XKR6: variants seen among roughly 807,000 people sequenced by gnomAD.
XKR6 encodes XK-related protein 6.
A neutral mutation model predicts 56.7 loss-of-function variants in XKR6; 22 were observed. The ratio of observed to expected loss-of-function variants is 0.39; its 90% CI spans 0.28 to 0.55. The LOEUF (loss-of-function observed/expected upper bound fraction) is 0.55. XKR6 is among the 20% of genes least tolerant of loss of function. The pLI is 0.66. For missense variants in XKR6, 852 were observed against 889.0 expected (o/e 0.96, Z 0.53); for synonymous variants, 524 against 387.8 (o/e 1.35, Z -4.13).
At chr8:10,964,187 C>T (rs572175996) in intron 1 of XKR6, among the ~76,000 whole-genome samples, 1 of 152,274 alleles carries the variant, frequency 6.6e-6, no homozygotes, top group African/African-American at 2.4e-5. Context: ...GCCTGAGCTT[C>T]TCCTGTATCC....
chr8:10,946,028 T>G (rs1019722947), intron 1 of XKR6, among the ~76,000 whole-genome samples: 1 of 152,056 alleles, frequency 6.6e-6, no homozygotes, highest in African/African-American at 2.4e-5. Context: ...GGTGGCGCCC[T>G]GTGCTTTTCA....
chr8:11,090,117 T>G (rs1216465723), intron 1 of XKR6, among the ~76,000 whole-genome samples: 1 of 152,238 alleles, frequency 6.6e-6, no homozygotes, highest in African/African-American at 2.4e-5. Flanking sequence ...AGAGTCTTGC[T>G]CAGTCACCCA....
At chr8:11,129,436 C>G (rs918514374) in intron 1 of XKR6, among the ~76,000 whole-genome samples, 1 of 152,138 alleles carries the variant, frequency 6.6e-6, no homozygotes, top group African/African-American at 2.4e-5. Flanking sequence ...CCAAATGTTT[C>G]TTGAGTGGTT....
intron 1 of XKR6, among the ~76,000 whole-genome samples, chr8:11,101,283 T>C (rs1798470398): frequency 6.6e-6 from 1 of 152,224 alleles, no homozygotes; most frequent in South Asian, 2.1e-4. Flanking sequence ...AATTGTAAAC[T>C]GCTGGACTTC....
chr8:11,186,790 A>G (rs553290924), intron 1 of XKR6, among the ~76,000 whole-genome samples: 12 of 152,188 alleles, frequency 7.9e-5, no homozygotes, highest in Non-Finnish European at 1.8e-4. Context: ...CACCAGCCAT[A>G]CCACCCCACG....
intron 1 of XKR6, among the ~76,000 whole-genome samples, chr8:11,140,482 A>G (rs896552154): frequency 6.6e-6 from 1 of 152,216 alleles, no homozygotes; most frequent in Non-Finnish European, 1.5e-5. Flanking sequence ...AAACAGAGAA[A>G]GAGAGTTAAG....
At chr8:10,905,851 C>T (rs1169624006) in intron 2 of XKR6, among the ~76,000 whole-genome samples, 1 of 152,156 alleles carries the variant, frequency 6.6e-6, no homozygotes, top group African/African-American at 2.4e-5. Context: ...GAAATGTTCC[C>T]AGGAAAGGAT....
At chr8:11,175,862 T>G (rs79761615) in intron 1 of XKR6, among the ~76,000 whole-genome samples, 1 of 152,158 alleles carries the variant, frequency 6.6e-6, no homozygotes, top group Non-Finnish European at 1.5e-5. Context: ...GCATTCATCA[T>G]GATCCATCTT....
intron 1 of XKR6, among the ~76,000 whole-genome samples, chr8:10,926,254 G>T (rs548157210): frequency 1.2e-4 from 19 of 152,168 alleles, no homozygotes; most frequent in Admixed American, 2.6e-4. Context: ...TGCCTGGAGG[G>T]ATGCTGGAGT....
At chr8:11,060,152 G>T (rs1799793441) in intron 1 of XKR6, among the ~76,000 whole-genome samples, 1 of 152,182 alleles carries the variant, frequency 6.6e-6, no homozygotes, top group Admixed American at 6.5e-5. Flanking sequence ...CTTGGGGAGG[G>T]TGGCAGGCGG....
chr8:10,905,153 A>T (rs1325665471), intron 2 of XKR6, among the ~76,000 whole-genome samples: 1 of 152,058 alleles, frequency 6.6e-6, no homozygotes, highest in Admixed American at 6.6e-5. Flanking sequence ...CCTCTCCTGA[A>T]GCTGTCCCTC....
chr8:11,001,210 T>A (rs1293065278), intron 1 of XKR6, among the ~76,000 whole-genome samples: 1 of 152,134 alleles, frequency 6.6e-6, no homozygotes, highest in Non-Finnish European at 1.5e-5. Context: ...AAGGAAGAAC[T>A]CCCCTTCCGA....
chr8:10,913,712 T>G (rs10903332), intron 2 of XKR6, among the ~76,000 whole-genome samples: 51,271 of 152,128 alleles, frequency 0.34, 9,751 homozygotes, highest in African/African-American at 0.49. Flanking sequence ...CAGGCCCCTT[T>G]GGCCCCCACT....
chr8:11,193,479 A>G (rs1363967192), intron 1 of XKR6, among the ~76,000 whole-genome samples: 2 of 152,242 alleles, frequency 1.3e-5, no homozygotes, highest in Non-Finnish European at 2.9e-5. Flanking sequence ...ATGTAGAACT[A>G]TATTAATGTC....
At chr8:11,168,828 G>T (rs1802217802) in intron 1 of XKR6, among the ~76,000 whole-genome samples, 1 of 152,190 alleles carries the variant, frequency 6.6e-6, no homozygotes, top group Non-Finnish European at 1.5e-5. Flanking sequence ...ACAGGAACAA[G>T]GCCCAACCCA....
At chr8:10,953,711 C>T (rs758666088) in intron 1 of XKR6, among the ~76,000 whole-genome samples, 20 of 152,132 alleles carry the variant, frequency 1.3e-4, no homozygotes, top group African/African-American at 4.3e-4. Flanking sequence ...TATAATTCAC[C>T]GGTTTCAGTA....
intron 2 of XKR6, among the ~76,000 whole-genome samples, chr8:10,916,277 C>T (rs1200335509): frequency 6.6e-6 from 1 of 152,214 alleles, no homozygotes; most frequent in African/African-American, 2.4e-5. Context: ...ATTCATGGCT[C>T]TGGTGCTGAG....
chr8:11,039,443 C>G (rs752757586), intron 1 of XKR6, among the ~76,000 whole-genome samples: 7 of 152,244 alleles, frequency 4.6e-5, no homozygotes, highest in African/African-American at 1.7e-4. Flanking sequence ...TTACTGGACA[C>G]GCTGTGTGTG....
At chr8:11,038,833 G>A (rs929389515) in intron 1 of XKR6, among the ~76,000 whole-genome samples, 4 of 151,998 alleles carry the variant, frequency 2.6e-5, no homozygotes, top group Non-Finnish European at 4.4e-5. Context: ...GAGCCACCGC[G>A]CCTGGCCGAC....
Sources: allele counts gnomAD v4.1 joint callset (sites outside exome capture counted in the v4.1 genomes callset), GRCh38; gene constraint gnomAD v4.1.1; transcripts MANE v1.5; gene names NCBI Gene and HGNC (gene_info 2026-07-23, HGNC 2026-07-21).